LGR5: variants seen among roughly 807,000 people sequenced by gnomAD.
LGR5 encodes leucine rich repeat containing G protein-coupled receptor 5.
LGR5 carries 54 observed loss-of-function variants against 76.7 expected under a neutral mutation model. The ratio of observed to expected loss-of-function variants is 0.70; its 90% CI spans 0.57 to 0.88. LGR5 has a LOEUF of 0.88. Ranked by LOEUF, LGR5 falls within the 40% of genes least tolerant of loss-of-function variation. The pLI, the probability that LGR5 is intolerant of heterozygous loss-of-function variation, is 0.00. For synonymous variants in LGR5, 406 were observed against 421.9 expected (o/e 0.96, Z 0.46); for missense variants, 1,078 against 1,073.3 (o/e 1.00, Z -0.06).
Position 71,440,088 on chromosome 12 carries a change from C to T in LGR5, c.8C>T (p.Thr3Ile), listed in dbSNP as rs951147297. ...CCCCCTACTTCGGGCACCATGGACA[C>T]CTCCCGGCTCGGTGTGCTCCTGTCC... MD[T>I]SRLGVLLSLP... The change falls in exon 1 of 18, where the codon ACC (threonine) becomes ATC (isoleucine). Residue 3 changes from threonine (T) to isoleucine (I), a missense_variant. Transcript: ENST00000266674. This position sits in a 1 kb window ranked among gnomAD's most constrained non-coding sequence, Gnocchi z 5.3. 1.1e-5 allele frequency: 18 copies of T among 1,602,734 alleles called. No homozygotes were observed. The South Asian group carries it at 1.8e-4, about 16-fold the overall frequency.
intron 1 of LGR5, among the ~76,000 whole-genome samples, chr12:71,477,224 C>T (rs910150066): frequency 8.6e-5 from 13 of 151,992 alleles, no homozygotes; most frequent in African/African-American, 7.3e-5. Context: ...CCTCACCACC[C>T]GTTTTCTCAC....
At chr12:71,538,522 T>C (rs11178842) in intron 4 of LGR5, among the ~76,000 whole-genome samples, 8,258 of 152,022 alleles carry the variant, frequency 0.054, 320 homozygotes, top group Non-Finnish European at 0.079. Context: ...ACTAGTGTTT[T>C]CTAACTGGCT....
At chr12:71,448,151 C>G (rs1872099639) in intron 1 of LGR5, among the ~76,000 whole-genome samples, 1 of 151,622 alleles carries the variant, frequency 6.6e-6, no homozygotes, top group South Asian at 2.1e-4. Context: ...GCCTTCTTTT[C>G]AAAGCCTACA....
chr12:71,507,037 C>T (rs1231748305), intron 2 of LGR5, among the ~76,000 whole-genome samples: 3 of 152,082 alleles, frequency 2.0e-5, no homozygotes, highest in Admixed American at 6.5e-5. Context: ...GCAGTAACAA[C>T]AATAATAGGT....
At chr12:71,483,747 G>A (rs889820162) in intron 1 of LGR5, among the ~76,000 whole-genome samples, 3 of 151,908 alleles carry the variant, frequency 2.0e-5, no homozygotes, top group Non-Finnish European at 4.4e-5. Context: ...GATTAATTAG[G>A]TTGCATGTGT....
intron 1 of LGR5, among the ~76,000 whole-genome samples, chr12:71,469,773 A>G (rs1358363049): frequency 6.6e-6 from 1 of 152,194 alleles, no homozygotes; most frequent in Non-Finnish European, 1.5e-5. Context: ...GCCCAGTGCC[A>G]TGAAGGAAGG....
rs935306411 is a variant in LGR5, at chr12:71,551,803, G to C, written c.429-1270G>C. On this transcript the variant is annotated intron_variant, in intron 4 of 17. Coordinates refer to ENST00000266674, the MANE Select transcript of LGR5 (RefSeq NM_003667.4). ...AGATGTATTTCCCCATTTTAAAACA[G>C]ATAAAAATGGAGTGTGGGAAAAGGA... Among the ~76,000 whole-genome samples the C allele has an allele frequency of 3.9e-5, 6 of 152,168 alleles. No individual in the cohort carries two copies. The East Asian group carries it at 1.2e-3, about 29-fold the overall frequency.
chr12:71,573,208 T>A (rs535458232), intron 13 of LGR5, among the ~76,000 whole-genome samples: 1 of 152,332 alleles, frequency 6.6e-6, no homozygotes, highest in Non-Finnish European at 1.5e-5. Flanking sequence ...CAACCTGGAA[T>A]CGACAAGAAA....
At position 71,491,394 on chromosome 12, in the gene LGR5, C is replaced by CT. The variant is rs1207419766; in HGVS notation, c.213-13211dup. 6.6e-5 allele frequency among the ~76,000 whole-genome samples: 10 copies of CT among 151,380 alleles called. 1 individual carries two copies. Among genetic ancestry groups the CT allele is most frequent in the Admixed American group, 5.9e-4 (9 of 15,194 alleles). On this transcript the variant is annotated intron_variant, in intron 1 of 17. Transcript: ENST00000266674. The stretch of plus-strand genomic sequence containing the variant: ...TGAGTCTAGGGAAACCTTAGATTGA[C>CT]TTTTTTTTTGTTCAGGTGAGAGGGA...
At chr12:71,447,272 A>T (rs1385341664) in intron 1 of LGR5, among the ~76,000 whole-genome samples, 1 of 152,246 alleles carries the variant, frequency 6.6e-6, no homozygotes, top group Non-Finnish European at 1.5e-5. Flanking sequence ...TCAATTAGAA[A>T]TCTGCATAAG....
At chr12:71,561,431 G>C (rs55729434) in intron 7 of LGR5, among the ~76,000 whole-genome samples, 3 of 152,296 alleles carry the variant, frequency 2.0e-5, no homozygotes, top group Non-Finnish European at 4.4e-5. Context: ...GGGTCAGTAG[G>C]AGTGATCATA....
intron 16 of LGR5, among the ~76,000 whole-genome samples, chr12:71,582,142 A>G (rs1687774731): frequency 6.6e-6 from 1 of 152,198 alleles, no homozygotes; most frequent in Non-Finnish European, 1.5e-5. Context: ...GAAGAGGCCC[A>G]TAGCCTCCTC....
intron 4 of LGR5, among the ~76,000 whole-genome samples, chr12:71,551,271 G>A (rs1877470820): frequency 6.6e-6 from 1 of 152,236 alleles, no homozygotes; most frequent in Admixed American, 6.5e-5. Context: ...AAGTGGCATA[G>A]TGGCCAAAAG....
At chr12:71,583,565 A>T in intron 17 of LGR5, 82 bp from the exon 18 acceptor site, 1 of 1,474,156 alleles carries the variant, frequency 6.8e-7, no homozygotes, top group Non-Finnish European at 9.2e-7. Context: ...TTGGCATCCT[A>T]AATAAAGAGA....
chr12:71,547,088 G>A (rs7138265), intron 4 of LGR5, among the ~76,000 whole-genome samples: 8,133 of 152,152 alleles, frequency 0.053, 693 homozygotes, highest in African/African-American at 0.18. Context: ...ACACACACCC[G>A]AAAGTCATAC....
intron 5 of LGR5, 102 bp from the exon 6 acceptor site, chr12:71,556,517 A>G (rs1877772815): frequency 1.8e-5 from 14 of 786,548 alleles, no homozygotes; most frequent in Non-Finnish European, 2.5e-5. Context: ...TCTTATAAGT[A>G]GTGCATTCTT....
At chr12:71,464,656 G>A (rs7966817) in intron 1 of LGR5, among the ~76,000 whole-genome samples, 133,314 of 152,168 alleles carry the variant, frequency 0.88, 58,654 homozygotes, top group African/African-American at 0.93. Flanking sequence ...GGAAATAATC[G>A]TAAGTCTATA....
At chr12:71,480,546 A>G (rs1873550996) in intron 1 of LGR5, among the ~76,000 whole-genome samples, 1 of 152,110 alleles carries the variant, frequency 6.6e-6, no homozygotes, top group Admixed American at 6.5e-5. Context: ...TAGGACAAGC[A>G]TTCTCCAGAT....
intron 1 of LGR5, among the ~76,000 whole-genome samples, chr12:71,473,120 C>T (rs36038866): frequency 0.047 from 7,099 of 152,186 alleles, 213 homozygotes; most frequent in Non-Finnish European, 0.07. Context: ...TAAATCTCCA[C>T]CCTCAAAGAG....
Sources: gnomAD v4.1 joint callset for allele counts (sites outside exome capture counted in the v4.1 genomes callset) on GRCh38, gnomAD v4.1.1 for gene constraint, Gnocchi (gnomAD v3.1) non-coding constraint, MANE v1.5 for transcripts, NCBI Gene and HGNC (gene_info 2026-07-23, HGNC 2026-07-21) for gene names.